SYNPR: variants seen among roughly 807,000 people sequenced by gnomAD.
SYNPR encodes synaptoporin.
In SYNPR, 23 loss-of-function variants were observed where a neutral mutation model predicts 32.9. The observed-to-expected ratio is 0.70, with a 90% CI of 0.50 to 0.99. The LOEUF (loss-of-function observed/expected upper bound fraction) is 0.99, where lower values mean the gene tolerates loss of function less well. SYNPR is among the 50% of genes least tolerant of loss of function. The probability of loss-of-function intolerance (pLI) is 0.00; values close to 1 mark genes in which losing one functional copy is unlikely to be tolerated. For missense variants in SYNPR, 318 were observed against 349.3 expected, an observed-to-expected ratio of 0.91 and a Z score of 0.71; for synonymous variants, 146 against 135.9, an observed-to-expected ratio of 1.07 and a Z score of -0.52.
At chr3:63,570,967 T>A (rs1377553908) in intron 4 of SYNPR, among the ~76,000 whole-genome samples, 3 of 152,136 alleles carry the variant, frequency 2.0e-5, no homozygotes, top group Non-Finnish European at 2.9e-5. Context: ...TAGAAACATA[T>A]AAAAGAACCC....
chr3:63,513,598 C>T (rs1701737634), intron 3 of SYNPR, among the ~76,000 whole-genome samples: 1 of 152,052 alleles, frequency 6.6e-6, no homozygotes, highest in East Asian at 1.9e-4. Context: ...ACTTCACATG[C>T]TGTAACCTTT....
intron 2 of SYNPR, among the ~76,000 whole-genome samples, chr3:63,317,336 A>C (rs913900647): frequency 6.6e-6 from 1 of 151,900 alleles, no homozygotes; most frequent in Non-Finnish European, 1.5e-5. Flanking sequence ...TGGAGTATTG[A>C]AGTCCCTCAC....
intron 2 of SYNPR, among the ~76,000 whole-genome samples, chr3:63,301,889 C>G (rs961266951): frequency 2.0e-5 from 3 of 152,042 alleles, no homozygotes; most frequent in Non-Finnish European, 4.4e-5. Flanking sequence ...GAATTAATTT[C>G]ACTCTTACTA....
intron 1 of SYNPR, among the ~76,000 whole-genome samples, chr3:63,237,958 A>G (rs2106878031): frequency 6.6e-6 from 1 of 152,126 alleles, no homozygotes; most frequent in South Asian, 2.1e-4. Flanking sequence ...AGAATTCTCA[A>G]TTGCTCCTCC....
At chr3:63,452,860 A>C (rs1700404546) in intron 2 of SYNPR, among the ~76,000 whole-genome samples, 1 of 152,190 alleles carries the variant, frequency 6.6e-6, no homozygotes, top group South Asian at 2.1e-4. Context: ...AATACTGGTA[A>C]AATGGAGGGA....
chr3:63,594,893 G>A (rs186983976), intron 4 of SYNPR, among the ~76,000 whole-genome samples: 40 of 152,256 alleles, frequency 2.6e-4, no homozygotes, highest in African/African-American at 8.7e-4. Flanking sequence ...AATATAGGCA[G>A]CCTGGTCTTC....
intron 2 of SYNPR, among the ~76,000 whole-genome samples, chr3:63,404,940 G>A (rs1401779501): frequency 6.6e-6 from 1 of 152,150 alleles, no homozygotes; most frequent in Admixed American, 6.6e-5. Context: ...TATGTAGTCA[G>A]AAATTACCAG....
intron 3 of SYNPR, among the ~76,000 whole-genome samples, chr3:63,544,998 A>G (rs1362732298): frequency 6.7e-6 from 1 of 150,118 alleles, no homozygotes; most frequent in African/African-American, 2.4e-5. Context: ...ATATTGACAG[A>G]GATGCTTTAT....
intron 2 of SYNPR, among the ~76,000 whole-genome samples, chr3:63,377,340 G>C (rs1292829240): frequency 6.6e-6 from 1 of 152,062 alleles, no homozygotes; most frequent in Non-Finnish European, 1.5e-5. Context: ...GAAATGTACA[G>C]TTCTAGGTTT....
At chr3:63,475,483 C>A (rs1700881919) in intron 2 of SYNPR, among the ~76,000 whole-genome samples, 1 of 151,980 alleles carries the variant, frequency 6.6e-6, no homozygotes, top group South Asian at 2.1e-4. Flanking sequence ...GGACTTTTGC[C>A]CCTGGGTTAC....
At chr3:63,430,209 T>C (rs1699967286) in intron 2 of SYNPR, among the ~76,000 whole-genome samples, 2 of 152,252 alleles carry the variant, frequency 1.3e-5, no homozygotes, top group Admixed American at 6.5e-5. Context: ...ACTTAGGACA[T>C]TAAATATTCC....
chr3:63,258,556 G>A (rs2086408667), intron 2 of SYNPR, among the ~76,000 whole-genome samples: 1 of 152,122 alleles, frequency 6.6e-6, no homozygotes, highest in South Asian at 2.1e-4. Flanking sequence ...AGAATCTCTG[G>A]GGCATATTCA....
rs939911292 is a variant in SYNPR, at chr3:63,392,302, T to C, written c.85-88530T>C. 4.6e-5 allele frequency among the ~76,000 whole-genome samples: 7 copies of C among 152,132 alleles called. No individual in the cohort carries two copies. In the East Asian group the frequency reaches 9.7e-4, roughly 21 times the overall value. The stretch of plus-strand genomic sequence containing the variant: ...TCTGGTTTCAGAGGCAAAAGTCAAA[T>C]AGATTCTCAGGTTACGCCATTGTAC... On this transcript the variant is annotated intron_variant, in intron 2 of 5. Transcript: ENST00000478300.
chr3:63,558,388 G>T (rs932275186), intron 4 of SYNPR, among the ~76,000 whole-genome samples: 8 of 152,024 alleles, frequency 5.3e-5, no homozygotes, highest in African/African-American at 1.9e-4. Context: ...CACCCAGGCT[G>T]GCATGCAGTG....
At chr3:63,313,798 C>CATATATATATCGATATATATATCCAT (rs2087001090) in intron 2 of SYNPR, among the ~76,000 whole-genome samples, 1 of 6,396 alleles carries the variant, frequency 1.6e-4, no homozygotes, top group Non-Finnish European at 3.0e-4. Flanking sequence ...TATATATATC[C>CATATATATATCGATATATATATCCAT]ATATATATAT....
chr3:63,239,560 C>A (rs2086224344), intron 1 of SYNPR, among the ~76,000 whole-genome samples: 1 of 150,958 alleles, frequency 6.6e-6, no homozygotes, highest in African/African-American at 2.4e-5. Context: ...TGTCACCAAT[C>A]CTACCGTTGT....
chr3:63,567,374 G>A (rs745752612), intron 4 of SYNPR, among the ~76,000 whole-genome samples: 2 of 152,032 alleles, frequency 1.3e-5, no homozygotes, highest in Non-Finnish European at 2.9e-5. Flanking sequence ...ATTTGATTGG[G>A]GCATCCAGCT....
At chr3:63,423,224 T>G (rs1699830149) in intron 2 of SYNPR, among the ~76,000 whole-genome samples, 2 of 152,298 alleles carry the variant, frequency 1.3e-5, no homozygotes, top group South Asian at 2.1e-4. Flanking sequence ...CATCATCTAT[T>G]TTTTTCATTT....
At chr3:63,436,790 G>A (rs1042874567) in intron 2 of SYNPR, among the ~76,000 whole-genome samples, 2 of 152,150 alleles carry the variant, frequency 1.3e-5, no homozygotes, top group South Asian at 2.1e-4. Flanking sequence ...CAAGCCATGT[G>A]CCTCAATCGG....
Sources: gnomAD v4.1 joint callset for allele counts (sites outside exome capture counted in the v4.1 genomes callset) on GRCh38, gnomAD v4.1.1 for gene constraint, MANE v1.5 for transcripts, NCBI Gene and HGNC (gene_info 2026-07-23, HGNC 2026-07-21) for gene names.